Variants in TJP2 observed in about 807,000 individuals in gnomAD.
TJP2 encodes the protein tight junction protein 2.
A neutral mutation model predicts 133.1 loss-of-function variants in TJP2; 91 were observed. That is an observed-to-expected ratio of 0.68 (90% CI 0.58 to 0.81). The LOEUF (loss-of-function observed/expected upper bound fraction) is 0.81, where lower values mean the gene tolerates loss of function less well. Among genes scored for constraint, TJP2 ranks in the 40% least tolerant of loss-of-function variants. The pLI is 0.00. For synonymous variants in TJP2, 592 were observed against 583.4 expected (o/e 1.01, Z -0.21); for missense variants, 1,541 against 1,565.6 (o/e 0.98, Z 0.26).
At chr9:69,159,639 G>T (rs1823957798) in intron 2 of TJP2, among the ~76,000 whole-genome samples, 1 of 152,086 alleles carries the variant, frequency 6.6e-6, no homozygotes. Context: ...AGCACTTTGG[G>T]AGGCCAAGGT....
chr9:69,227,163 A>G (rs1829416685), intron 7 of TJP2, among the ~76,000 whole-genome samples: 1 of 152,212 alleles, frequency 6.6e-6, no homozygotes, highest in East Asian at 1.9e-4. Flanking sequence ...GTAAAACCTT[A>G]AAACTTAATT....
chr9:69,230,876 C>T (rs1244289360), intron 11 of TJP2, among the ~76,000 whole-genome samples: 1 of 152,148 alleles, frequency 6.6e-6, no homozygotes, highest in African/African-American at 2.4e-5. Context: ...AGCTGCTACT[C>T]AATGTTATTT....
At chr9:69,224,853 TTAAG>T (rs1320692629) in intron 5 of TJP2, among the ~76,000 whole-genome samples, 1 of 152,158 alleles carries the variant, frequency 6.6e-6, no homozygotes, top group Non-Finnish European at 1.5e-5. Flanking sequence ...TTGGTACTAT[TTAAG>T]TAAGTTGCAG....
At chr9:69,152,383 C>T (rs1823517946) in intron 2 of TJP2, among the ~76,000 whole-genome samples, 1 of 152,080 alleles carries the variant, frequency 6.6e-6, no homozygotes, top group South Asian at 2.1e-4. Flanking sequence ...GTTTATAGGC[C>T]AGGCCATGGC....
At chr9:69,180,498 G>C (rs948852000) in intron 1 of TJP2, among the ~76,000 whole-genome samples, 1 of 152,144 alleles carries the variant, frequency 6.6e-6, no homozygotes, top group African/African-American at 2.4e-5. Flanking sequence ...TTTGTTTTCA[G>C]AGTATTAAAG....
intron 1 of TJP2, among the ~76,000 whole-genome samples, chr9:69,191,210 A>AT (rs1198084174): frequency 1.3e-5 from 2 of 150,472 alleles, no homozygotes; most frequent in Non-Finnish European, 3.0e-5. Flanking sequence ...GCAAATGCAG[A>AT]TTTCCTCCGT....
In TJP2 at chr9:69,204,080, T is replaced by C. The variant is rs12347010; in HGVS notation, c.61-8468T>C. ...TCATTTCTTGCCGACATTGCCCTTC[T>C]GAAGTGTAGATGGTTTTATCGCCAC... On this transcript the variant is annotated intron_variant, in intron 1 of 22. Coordinates refer to ENST00000377245, the MANE Select transcript of TJP2 (RefSeq NM_004817.4). Among the ~76,000 whole-genome samples the C allele has an allele frequency of 3.9e-3, 589 of 152,320 alleles. 3 individuals are homozygous for C. Among genetic ancestry groups the C allele is most frequent in the African/African-American group, 0.014 (568 of 41,576 alleles).
chr9:69,148,725 A>C (rs1823332490), intron 1 of TJP2, among the ~76,000 whole-genome samples: 1 of 152,152 alleles, frequency 6.6e-6, no homozygotes, highest in African/African-American at 2.4e-5. Flanking sequence ...TCTATTCTGC[A>C]AACTGTACAG....
At chr9:69,145,592 A>G in intron 1 of TJP2, 1 of 567,696 alleles carries the variant, frequency 1.8e-6, no homozygotes, top group Non-Finnish European at 2.6e-6. Context: ...AGATCTAGCT[A>G]GGGCTACATA....
At chr9:69,233,154 C>A (rs1048680628) in intron 11 of TJP2, among the ~76,000 whole-genome samples, 2 of 152,214 alleles carry the variant, frequency 1.3e-5, no homozygotes, top group Admixed American at 1.3e-4. Flanking sequence ...ATACTAAATA[C>A]TGTTTCAAAG....
intron 1 of TJP2, among the ~76,000 whole-genome samples, chr9:69,185,462 G>C (rs2133027931): frequency 6.6e-6 from 1 of 152,260 alleles, no homozygotes; most frequent in South Asian, 2.1e-4. Flanking sequence ...TTTTCTGGAA[G>C]GGCCTTCCAG....
intron 1 of TJP2, among the ~76,000 whole-genome samples, chr9:69,138,885 C>A (rs1453815201): frequency 6.6e-6 from 1 of 151,866 alleles, no homozygotes; most frequent in African/African-American, 2.4e-5. Context: ...CCACTGCACT[C>A]CAGCCTGGGT....
At chr9:69,219,253 G>A (rs1159497244) in intron 4 of TJP2, among the ~76,000 whole-genome samples, 1 of 152,170 alleles carries the variant, frequency 6.6e-6, no homozygotes, top group Admixed American at 6.5e-5. Flanking sequence ...ACAGGCGTGA[G>A]CCACCTCACC....
chr9:69,139,618 C>T (rs997068476), intron 1 of TJP2, among the ~76,000 whole-genome samples: 5 of 152,166 alleles, frequency 3.3e-5, no homozygotes, highest in African/African-American at 1.2e-4. Context: ...TTAAGCCACC[C>T]AGTCTGTGGT....
intron 1 of TJP2, among the ~76,000 whole-genome samples, chr9:69,188,759 T>A (rs1031542645): frequency 6.6e-6 from 1 of 152,206 alleles, no homozygotes; most frequent in African/African-American, 2.4e-5. Context: ...CACAACTTTA[T>A]TATAGAAATA....
chr9:69,249,177 C>CT, intron 19 of TJP2, 198 bp from the exon 20 acceptor site: 2 of 985,370 alleles, frequency 2.0e-6, no homozygotes, highest in Non-Finnish European at 2.4e-6. Flanking sequence ...GGAAGAGACT[C>CT]TACATTGGAT....
chr9:69,206,995 C>G (rs180775372), intron 1 of TJP2, among the ~76,000 whole-genome samples: 1 of 152,172 alleles, frequency 6.6e-6, no homozygotes, highest in East Asian at 1.9e-4. Flanking sequence ...ATCTGCAGAC[C>G]ATCACCAAGA....
Position 69,226,548 on chromosome 9 carries a change from G to C in TJP2, c.1210+373G>C, listed in dbSNP as rs1829364900. Among the ~76,000 whole-genome samples the C allele has an allele frequency of 2.6e-5, 4 of 152,104 alleles. No homozygotes were observed. The South Asian group carries it at 8.3e-4, about 32-fold the overall frequency. Reference sequence around the variant, plus strand: ...GAGTTTCCCTCTGTTGCCCAAGCTGGAGTGCAGTGGTACAATCTTGGCTCA... The same window carrying C: ...GAGTTTCCCTCTGTTGCCCAAGCTGCAGTGCAGTGGTACAATCTTGGCTCA... On this transcript the variant is annotated intron_variant, in intron 7 of 22. Coordinates refer to ENST00000377245, the MANE Select transcript of TJP2 (RefSeq NM_004817.4).
chr9:69,192,040 A>G (rs1022412326), intron 1 of TJP2, among the ~76,000 whole-genome samples: 3 of 152,004 alleles, frequency 2.0e-5, no homozygotes, highest in Admixed American at 2.0e-4. Flanking sequence ...GCCCAGCCGT[A>G]TGTTTTAAAT....
Sources: allele counts gnomAD v4.1 joint callset (sites outside exome capture counted in the v4.1 genomes callset), GRCh38; gene constraint gnomAD v4.1.1; transcripts MANE v1.5; gene names NCBI Gene and HGNC (gene_info 2026-07-23, HGNC 2026-07-21).